Variants in TTL observed in about 807,000 individuals in gnomAD.
The protein encoded by TTL is tubulin--tyrosine ligase.
Under a neutral mutation model 41.1 loss-of-function variants are expected in TTL, and 10 were observed. That is an observed-to-expected ratio of 0.24 (90% CI 0.15 to 0.41). The LOEUF (loss-of-function observed/expected upper bound fraction) is 0.41. Among genes scored for constraint, TTL ranks in the 10% least tolerant of loss-of-function variants. The pLI is 1.00. For synonymous variants in TTL, 175 were observed against 175.5 expected, an observed-to-expected ratio of 1.00 and a Z score of 0.02; for missense variants, 367 against 460.4, an observed-to-expected ratio of 0.80 and a Z score of 1.86.
chr2:112,502,300 G>A (rs1681722610), intron 4 of TTL, among the ~76,000 whole-genome samples: 1 of 152,150 alleles, frequency 6.6e-6, no homozygotes, highest in South Asian at 2.1e-4. Flanking sequence ...TACTCAAAGA[G>A]GAGACATAAC....
At chr2:112,484,192 C>G (rs1486806215) in intron 1 of TTL, among the ~76,000 whole-genome samples, 1 of 150,712 alleles carries the variant, frequency 6.6e-6, no homozygotes, top group Non-Finnish European at 1.5e-5. Context: ...ACCACAAATT[C>G]AGGAGATGAT....
intron 3 of TTL, 88 bp downstream of exon 3, chr2:112,494,463 C>T: frequency 9.6e-7 from 1 of 1,044,828 alleles, no homozygotes; most frequent in Non-Finnish European, 1.4e-6. Flanking sequence ...TAATCTGAAT[C>T]ATCGAAGGTT....
At position 112,482,371 on chromosome 2, in the gene TTL, G is replaced by C. The variant is rs1254755945; in HGVS notation, c.27G>C (p.Glu9Asp). The C allele has an allele frequency of 3.8e-6, 6 of 1,577,822 alleles. No homozygotes were observed. Among genetic ancestry groups the C allele is most frequent in the South Asian group, 1.2e-5 (1 of 86,522 alleles). The change falls in exon 1 of 7, where the codon GAG (glutamate) becomes GAC (aspartate). Residue 9 changes from glutamate (E) to aspartate (D), a missense_variant. Coordinates refer to ENST00000233336, the MANE Select transcript of TTL (RefSeq NM_153712.5). The surrounding 1 kb of genome is among the most constrained non-coding windows in gnomAD (Gnocchi z 5.3). ...TGTACACCTTCGTGGTACGCGATGA[G>C]AACAGCAGCGTCTACGCCGAGGTCT... MYTFVVRD[E>D]NSSVYAEVSR...
chr2:112,503,401 G>GTATATATA (rs778664034), intron 5 of TTL, among the ~76,000 whole-genome samples: 19 of 128,372 alleles, frequency 1.5e-4, no homozygotes, highest in African/African-American at 4.4e-4. Flanking sequence ...GTGTGTGTGT[G>GTATATATA]TGTATATATA....
At position 112,540,887 on chromosome 2, in the gene TTL, G is replaced by GA. The variant is rs1355386622; in HGVS notation, c.*12096dup. ...AGTTGAAACTACAAAACTCTTAGTA[G>GA]AAAATATAGGTGAAAATCCCCATGA... On this transcript the variant is annotated 3_prime_UTR_variant, in exon 7 of 7. Transcript: ENST00000233336. 6.6e-6 allele frequency: 1 copy of GA among 152,116 alleles called. No homozygotes were observed. Among genetic ancestry groups the GA allele is most frequent in the African/African-American group, 2.4e-5 (1 of 41,406 alleles). The allele number at this position is 152,116 out of a possible 1,614,324, so 9.4% of individuals were successfully genotyped here.
At chr2:112,486,032 A>G in intron 2 of TTL, 37 bp downstream of exon 2, 1 of 1,603,152 alleles carries the variant, frequency 6.2e-7, no homozygotes, top group South Asian at 1.1e-5. Flanking sequence ...TTTTTTACCT[A>G]AATGAAGCAC....
rs558274475 is a variant in TTL, at chr2:112,509,493, C to T, written c.875+6312C>T. Among the ~76,000 whole-genome samples, 110 of 152,352 alleles carry T rather than the reference C, an allele frequency of 7.2e-4. 1 individual carries two copies. The highest frequency in any genetic ancestry group is 1.3e-3 in the Non-Finnish European group (91 of 68,040). On this transcript the variant is annotated intron_variant, in intron 5 of 6. Transcript: ENST00000233336. ...CTCCGTGGGCGTAGGACCCTCTGAG[C>T]CAGGTGTGGGATATAATCTCATGGT...
At chr2:112,485,895 G>C (rs771570055) in intron 1 of TTL, 22 bp from the exon 2 acceptor site, 19 of 1,586,216 alleles carry the variant, frequency 1.2e-5, no homozygotes, top group African/African-American at 1.9e-5. Context: ...TGTCCCTTCT[G>C]AGCCTCCTCT....
chr2:112,483,424 C>T (rs1681149975), intron 1 of TTL: 1 of 152,294 alleles, frequency 6.6e-6, no homozygotes, highest in Non-Finnish European at 1.5e-5. Context: ...TGCATCTTCT[C>T]TCCGGGGAGC....
At chr2:112,527,218 G>A (rs7589916) in intron 6 of TTL, among the ~76,000 whole-genome samples, 137,011 of 150,682 alleles carry the variant, frequency 0.91, 63,490 homozygotes, top group East Asian at 1. Flanking sequence ...TTATGTGGTC[G>A]CTTTACTTCC....
intron 2 of TTL, among the ~76,000 whole-genome samples, chr2:112,492,790 C>G (rs1324547975): frequency 6.6e-6 from 1 of 152,070 alleles, no homozygotes; most frequent in African/African-American, 2.4e-5. Context: ...ACTCGGGAGT[C>G]TGAGGTGGGA....
intron 3 of TTL, among the ~76,000 whole-genome samples, chr2:112,496,286 A>C (rs1263597143): frequency 6.6e-6 from 1 of 152,202 alleles, no homozygotes; most frequent in African/African-American, 2.4e-5. Context: ...TTGCTTTAAG[A>C]GTTGAAGAGA....
At chr2:112,495,411 G>T (rs1681499033) in intron 3 of TTL, among the ~76,000 whole-genome samples, 1 of 152,120 alleles carries the variant, frequency 6.6e-6, no homozygotes, top group Non-Finnish European at 1.5e-5. Context: ...TTCCTCATAG[G>T]CAGTCAACAA....
At chr2:112,517,155 GCAAAAA>G in intron 5 of TTL, among the ~76,000 whole-genome samples, 1 of 63,356 alleles carries the variant, frequency 1.6e-5, no homozygotes, top group African/African-American at 6.8e-5. Flanking sequence ...TGAGCTTTCA[GCAAAAA>G]AAAAAAAAAA....
At chr2:112,486,725 TCTC>T (rs776235605) in intron 2 of TTL, among the ~76,000 whole-genome samples, 16 of 152,162 alleles carry the variant, frequency 1.1e-4, no homozygotes, top group Admixed American at 9.2e-4. Context: ...CTTGGGCAGA[TCTC>T]CTCATCCCTC....
rs930258889 is a variant in TTL, at chr2:112,536,299, G to T, written c.*7504G>T. 2 of 151,516 alleles carry T rather than the reference G, an allele frequency of 1.3e-5. No individual in the cohort carries two copies. Among genetic ancestry groups the T allele is most frequent in the South Asian group, 4.1e-4 (2 of 4,852 alleles). 9.4% of individuals were successfully genotyped at this position (151,516 alleles called of 1,614,324 possible). On this transcript the variant is annotated 3_prime_UTR_variant, in exon 7 of 7. Coordinates refer to ENST00000233336, the MANE Select transcript of TTL (RefSeq NM_153712.5). ...TTTCCCAAGCTGGTCTTGAACTCCC[G>T]TCCTCAGGCAATCCTCCTGCCTCAG...
At chr2:112,521,209 C>T in intron 6 of TTL, 5 of 985,340 alleles carry the variant, frequency 5.1e-6, no homozygotes, top group Non-Finnish European at 6.0e-6. Flanking sequence ...TCACCCTGTC[C>T]CGGGCTCTGC....
rs572464742 is a variant in TTL at position 112,482,787 on chromosome 2, G to T, written c.157+286G>T. Among the ~76,000 whole-genome samples, 15 of 152,360 alleles carry T rather than the reference G, an allele frequency of 9.8e-5. No homozygotes were observed. The highest frequency in any genetic ancestry group is 3.4e-4 in the African/African-American group (14 of 41,598). On this transcript the variant is annotated intron_variant, in intron 1 of 6. Coordinates refer to ENST00000233336, the MANE Select transcript of TTL (RefSeq NM_153712.5). The surrounding 1 kb of genome is among the most constrained non-coding windows in gnomAD (Gnocchi z 5.3). Reference sequence around the variant, plus strand: ...AGCCCGGGAGACGCTGGCCGCCGGGGCTGGGACCTGAGGCGCGAGTCTAGC... The same window carrying T: ...AGCCCGGGAGACGCTGGCCGCCGGGTCTGGGACCTGAGGCGCGAGTCTAGC...
chr2:112,527,956 G>A (rs537446810), intron 6 of TTL, among the ~76,000 whole-genome samples: 23 of 152,200 alleles, frequency 1.5e-4, no homozygotes, highest in Non-Finnish European at 2.8e-4. Context: ...GGTACCAGTT[G>A]TTCCTTTCCA....
Sources: gnomAD v4.1 joint callset for allele counts (sites outside exome capture counted in the v4.1 genomes callset) on GRCh38, gnomAD v4.1.1 for gene constraint, Gnocchi (gnomAD v3.1) non-coding constraint, MANE v1.5 for transcripts, NCBI Gene and HGNC (gene_info 2026-07-23, HGNC 2026-07-21) for gene names.